TMTC1: variants seen among roughly 807,000 people sequenced by gnomAD.
TMTC1 encodes transmembrane O-mannosyltransferase targeting cadherins 1.
Under a neutral mutation model 104.8 loss-of-function variants are expected in TMTC1, and 73 were observed. That is an observed-to-expected ratio of 0.70 (90% CI 0.58 to 0.85). The LOEUF is 0.85. TMTC1 is among the 40% of genes least tolerant of loss of function. The pLI is 0.00. For missense variants in TMTC1, 1,035 were observed against 1,096.1 expected (o/e 0.94, Z 0.79); for synonymous variants, 434 against 428.7 (o/e 1.01, Z -0.15).
At chr12:29,617,791 T>C (rs1947026598) in intron 6 of TMTC1, among the ~76,000 whole-genome samples, 2 of 151,920 alleles carry the variant, frequency 1.3e-5, no homozygotes, top group African/African-American at 2.4e-5. Flanking sequence ...GTTCAGGAAG[T>C]AGCAAGGGAG....
At chr12:29,579,521 T>C (rs570848761) in intron 8 of TMTC1, among the ~76,000 whole-genome samples, 1 of 152,166 alleles carries the variant, frequency 6.6e-6, no homozygotes, top group Non-Finnish European at 1.5e-5. Context: ...AGGCCATAAA[T>C]GTTAATTGCT....
intron 5 of TMTC1, among the ~76,000 whole-genome samples, chr12:29,665,873 T>A (rs1940256208): frequency 6.6e-6 from 1 of 152,220 alleles, no homozygotes; most frequent in Non-Finnish European, 1.5e-5. Context: ...ATAATCCTGT[T>A]AGGTCTATTT....
chr12:29,689,352 T>C (rs892388689), intron 5 of TMTC1, among the ~76,000 whole-genome samples: 1 of 152,046 alleles, frequency 6.6e-6, no homozygotes, highest in African/African-American at 2.4e-5. Flanking sequence ...TCTCACTCTG[T>C]TGCCGAGGCT....
chr12:29,778,948 A>G (rs771918829), intron 1 of TMTC1, among the ~76,000 whole-genome samples: 2 of 152,176 alleles, frequency 1.3e-5, no homozygotes, highest in Admixed American at 6.5e-5. Flanking sequence ...AAGTAGGGGG[A>G]AGCAAAGGCA....
intron 9 of TMTC1, among the ~76,000 whole-genome samples, chr12:29,567,539 A>G (rs1417211342): frequency 6.6e-6 from 1 of 152,228 alleles, no homozygotes; most frequent in Admixed American, 6.5e-5. Flanking sequence ...TACTTGTGAT[A>G]TTAGAAAGCA....
At position 29,561,927 on chromosome 12, in the gene TMTC1, G is replaced by A. The variant is rs1945388364; in HGVS notation, c.1533-4927C>T. On this transcript the variant is annotated intron_variant, in intron 9 of 17. Coordinates refer to ENST00000539277, the MANE Select transcript of TMTC1 (RefSeq NM_001193451.2). Reference sequence around the variant, plus strand: ...TCTATTTCCTGTTGAGAAAATAAGAGTCCAAAAGAAAAACATGACTGAGAA... The same window carrying A: ...TCTATTTCCTGTTGAGAAAATAAGAATCCAAAAGAAAAACATGACTGAGAA... Among the ~76,000 whole-genome samples, 3 of 152,082 alleles carry A rather than the reference G, an allele frequency of 2.0e-5. No homozygotes were observed. In the South Asian group the frequency reaches 6.2e-4, roughly 32 times the overall value.
At position 29,514,481 on chromosome 12, in the gene TMTC1, C is replaced by A; in HGVS notation, c.2430+1G>T. ...GATATAATTTTATGATGAGTTTATA[C>A]CTCAAAAGCTTTGTCGAGAAGGTTC... is the stretch of plus-strand genomic sequence containing the variant. On this transcript the variant is annotated splice_donor_variant, in intron 16 of 17. Coordinates refer to ENST00000539277, the MANE Select transcript of TMTC1 (RefSeq NM_001193451.2). LOFTEE classifies it high-confidence loss of function. 6.2e-7 allele frequency: 1 copy of A among 1,609,246 alleles called. No homozygotes were observed. The highest frequency in any genetic ancestry group is 8.5e-7 in the Non-Finnish European group (1 of 1,178,838).
In TMTC1 at chr12:29,572,150, T is replaced by C. The variant is rs376912738; in HGVS notation, c.1487A>G (p.Gln496Arg). 8.5e-5 allele frequency: 137 copies of C among 1,613,908 alleles called. No individual in the cohort carries two copies. In the African/African-American group the frequency reaches 1.4e-3, roughly 17 times the overall value. Reference sequence around the variant, plus strand: ...GTAGATCGCTTCCTTGTTCCGACCTTGGTCCTTCAGGAAATTGGCATAGTT... The same window carrying C: ...GTAGATCGCTTCCTTGTTCCGACCTCGGTCCTTCAGGAAATTGGCATAGTT... ...HYNYANFLKD[Q>R]GRNKEAIYHY... The change falls in exon 9 of 18, where the codon CAA (glutamine) becomes CGA (arginine). Residue 496 changes from glutamine (Q) to arginine (R), a missense_variant. Transcript: ENST00000539277.
intron 5 of TMTC1, among the ~76,000 whole-genome samples, chr12:29,691,733 A>AC (rs1249487122): frequency 7.0e-6 from 1 of 142,850 alleles, no homozygotes; most frequent in East Asian, 2.3e-4. Context: ...AAAAAAAAAA[A>AC]AAAAACCTAC....
intron 6 of TMTC1, 137 bp from the exon 7 acceptor site, chr12:29,604,436 T>G: frequency 1.6e-6 from 2 of 1,215,998 alleles, no homozygotes; most frequent in Non-Finnish European, 2.3e-6. Context: ...TTGACCGGCG[T>G]GCTGAATTTA....
chr12:29,572,450 T>A (rs1309580173), intron 8 of TMTC1, among the ~76,000 whole-genome samples: 1 of 152,208 alleles, frequency 6.6e-6, no homozygotes, highest in Non-Finnish European at 1.5e-5. Context: ...TGAACAAGCA[T>A]GCTAACTGTG....
In TMTC1 at chr12:29,501,370, AG is replaced by A. The variant is rs1018526267; in HGVS notation, c.*5475del. The A allele has an allele frequency of 6.6e-6, 1 of 152,218 alleles. No homozygotes were observed. The highest frequency in any genetic ancestry group is 1.5e-5 in the Non-Finnish European group (1 of 68,032). 9.4% of individuals were successfully genotyped at this position (152,218 alleles called of 1,614,324 possible). Reference sequence around the variant, plus strand: ...TGGTGTTTTTCAATCCAGATTCAAGAGTAACTATTAGAGTTACTCATTGAGC... The same window carrying A: ...TGGTGTTTTTCAATCCAGATTCAAGATAACTATTAGAGTTACTCATTGAGC... On this transcript the variant is annotated 3_prime_UTR_variant, in exon 18 of 18. Coordinates refer to ENST00000539277, the MANE Select transcript of TMTC1 (RefSeq NM_001193451.2).
chr12:29,742,006 T>G (rs1183793381), intron 5 of TMTC1, among the ~76,000 whole-genome samples: 2 of 152,178 alleles, frequency 1.3e-5, no homozygotes, highest in Non-Finnish European at 2.9e-5. Context: ...ATAATTGCAG[T>G]GTGAATCATC....
chr12:29,762,412 TC>T (rs2120408745), intron 2 of TMTC1, among the ~76,000 whole-genome samples: 1 of 152,320 alleles, frequency 6.6e-6, no homozygotes, highest in African/African-American at 2.4e-5. Flanking sequence ...GGGGTGGAAC[TC>T]TTAACACTGA....
intron 10 of TMTC1, among the ~76,000 whole-genome samples, chr12:29,552,029 A>G (rs1166997665): frequency 1.3e-5 from 2 of 152,184 alleles, no homozygotes; most frequent in Non-Finnish European, 2.9e-5. Flanking sequence ...CTGTCATATA[A>G]TTCCAAGAAT....
intron 17 of TMTC1, among the ~76,000 whole-genome samples, chr12:29,507,586 T>C (rs1250236107): frequency 2.6e-5 from 4 of 152,216 alleles, no homozygotes; most frequent in Non-Finnish European, 4.4e-5. Context: ...GCATTAGCTA[T>C]ATACTTTTAG....
At chr12:29,514,683 T>C (rs920810600) in intron 15 of TMTC1, 79 bp from the exon 16 acceptor site, 3 of 1,480,170 alleles carry the variant, frequency 2.0e-6, no homozygotes, top group Non-Finnish European at 2.7e-6. Flanking sequence ...AATTTATACT[T>C]TTTGTTCCTA....
intron 6 of TMTC1, among the ~76,000 whole-genome samples, chr12:29,616,546 T>A (rs1029973029): frequency 6.6e-6 from 1 of 151,290 alleles, no homozygotes; most frequent in Non-Finnish European, 1.5e-5. Context: ...TGGACGCCTG[T>A]AATCCCAGCT....
rs35372963 is a variant in TMTC1, at chr12:29,581,219, A to G, written c.1418+2188T>C. On this transcript the variant is annotated intron_variant, in intron 8 of 17. Coordinates refer to ENST00000539277, the MANE Select transcript of TMTC1 (RefSeq NM_001193451.2). ...TTCTCAGTAAATGTTTGTTTGACTG[A>G]CCTGAACATTACTTAGCACAAATGA... is the stretch of plus-strand genomic sequence containing the variant. 9.5e-3 allele frequency among the ~76,000 whole-genome samples: 1,441 copies of G among 152,310 alleles called. 17 individuals carry two copies. The highest frequency in any genetic ancestry group is 0.037 in the South Asian group (177 of 4,828).
Sources: allele counts gnomAD v4.1 joint callset (sites outside exome capture counted in the v4.1 genomes callset), GRCh38; gene constraint gnomAD v4.1.1; transcripts MANE v1.5; gene names NCBI Gene and HGNC (gene_info 2026-07-23, HGNC 2026-07-21).